TENM2: variants seen among roughly 807,000 people sequenced by gnomAD.
The protein encoded by TENM2 is teneurin-2.
TENM2 carries 52 observed loss-of-function variants against 245.2 expected under a neutral mutation model. The observed-to-expected ratio is 0.21, with a 90% CI of 0.17 to 0.27. The LOEUF (loss-of-function observed/expected upper bound fraction) is 0.27, where lower values mean the gene tolerates loss of function less well. TENM2 is among the 10% of genes least tolerant of loss of function. The pLI is 1.00. For synonymous variants in TENM2, 1,363 were observed against 1,438.9 expected (o/e 0.95, Z 1.19); for missense variants, 3,046 against 3,666.8 (o/e 0.83, Z 4.37).
the TENM2 span, among the ~76,000 whole-genome samples, chr5:167,081,987 C>A: frequency 3.9e-5 from 6 of 152,174 alleles, no homozygotes; most frequent in South Asian, 1.0e-3. Flanking sequence ...GTCTGTTTGA[C>A]TTAGAGCCTG....
chr5:167,383,579 A>G (rs1296759017), intron 2 of TENM2, among the ~76,000 whole-genome samples: 1 of 151,862 alleles, frequency 6.6e-6, no homozygotes, highest in African/African-American at 2.4e-5. Flanking sequence ...CTTTCCCCCA[A>G]CATCTTCCCT....
At chr5:167,922,972 T>C (rs1441877392) in intron 3 of TENM2, among the ~76,000 whole-genome samples, 1 of 152,240 alleles carries the variant, frequency 6.6e-6, no homozygotes, top group Non-Finnish European at 1.5e-5. Context: ...AAACCTGTTT[T>C]TGGGTTTAAG....
At chr5:167,947,182 T>G (rs899376440) in intron 3 of TENM2, among the ~76,000 whole-genome samples, 8 of 152,260 alleles carry the variant, frequency 5.3e-5, no homozygotes, top group African/African-American at 1.7e-4. Flanking sequence ...CTTGGAAAAG[T>G]TGGGCCCACA....
At chr5:168,014,264 A>G (rs116052470) in intron 5 of TENM2, among the ~76,000 whole-genome samples, 4,317 of 152,276 alleles carry the variant, frequency 0.028, 208 homozygotes, top group African/African-American at 0.096. Context: ...GATTTTTCTC[A>G]TTTAATTCTT....
chr5:168,107,026 C>T (rs1187274761), intron 9 of TENM2, among the ~76,000 whole-genome samples: 2 of 152,074 alleles, frequency 1.3e-5, no homozygotes, highest in Non-Finnish European at 2.9e-5. Context: ...TGCCACTGCA[C>T]TCCAGCCTGT....
intron 27 of TENM2, among the ~76,000 whole-genome samples, chr5:168,252,936 C>T (rs1281838721): frequency 6.6e-6 from 1 of 151,670 alleles, no homozygotes; most frequent in African/African-American, 2.4e-5. Context: ...ATATCTCAAC[C>T]CTTTAGAGCC....
At chr5:167,670,636 CT>C (rs1188517146) in intron 2 of TENM2, among the ~76,000 whole-genome samples, 1 of 152,134 alleles carries the variant, frequency 6.6e-6, no homozygotes, top group Non-Finnish European at 1.5e-5. Flanking sequence ...TACTGAGAGT[CT>C]TCATTACCTC....
the TENM2 span, among the ~76,000 whole-genome samples, chr5:167,045,121 A>C: frequency 6.6e-6 from 1 of 152,328 alleles, no homozygotes; most frequent in Non-Finnish European, 1.5e-5. Context: ...GCATTTGACA[A>C]GGAAGAAGAA....
chr5:167,004,706 A>G, the TENM2 span, among the ~76,000 whole-genome samples: 1 of 152,180 alleles, frequency 6.6e-6, no homozygotes, highest in Admixed American at 6.6e-5. Flanking sequence ...TTGATATATA[A>G]AAAGATTTTT....
chr5:167,694,252 A>T (rs1757619558), intron 2 of TENM2, among the ~76,000 whole-genome samples: 2 of 152,142 alleles, frequency 1.3e-5, no homozygotes, highest in Non-Finnish European at 2.9e-5. Flanking sequence ...CTGGTTCTCA[A>T]TTATGGCCTT....
intron 2 of TENM2, among the ~76,000 whole-genome samples, chr5:167,398,504 T>C (rs1417712652): frequency 6.6e-6 from 1 of 151,570 alleles, no homozygotes; most frequent in East Asian, 1.9e-4. Context: ...CCATCTTGGC[T>C]CACTGCAACC....
At chr5:167,307,086 G>C (rs1020126516) in intron 1 of TENM2, among the ~76,000 whole-genome samples, 2 of 152,200 alleles carry the variant, frequency 1.3e-5, no homozygotes, top group Non-Finnish European at 2.9e-5. Context: ...ACACTGGCCA[G>C]AGGGAAGAAA....
intron 1 of TENM2, among the ~76,000 whole-genome samples, chr5:167,293,374 T>A (rs1754760021): frequency 1.0e-5 from 1 of 99,852 alleles, no homozygotes; most frequent in African/African-American, 6.0e-5. Context: ...GCTAATTTTT[T>A]TTTTTTTTTT....
At chr5:167,426,107 G>C (rs1162476093) in intron 2 of TENM2, among the ~76,000 whole-genome samples, 1 of 152,064 alleles carries the variant, frequency 6.6e-6, no homozygotes, top group East Asian at 1.9e-4. Flanking sequence ...CCTTGGATCT[G>C]ACACTGACCC....
chr5:168,200,252 CAAG>C lies in TENM2; in HGVS notation c.3430+126_3430+128del, dbSNP rs1761817752. 3 of 866,792 alleles carry C rather than the reference CAAG, an allele frequency of 3.5e-6. No individual in the cohort carries two copies. In the East Asian group the frequency reaches 8.0e-5, roughly 23 times the overall value. 53.7% of individuals were successfully genotyped at this position (866,792 alleles called of 1,614,324 possible). A position where few individuals can be genotyped will look rare whatever the true frequency, so the allele number is the denominator to read the frequency against. On this transcript the variant is annotated intron_variant, in intron 17 of 28. Coordinates refer to ENST00000518659, the Ensembl canonical transcript of TENM2. ...TTTCAGTAGATAAGGACACGATGGC[CAAG>C]AAGACAGACAAGATTCCTCTTCCAC...
intron 2 of TENM2, among the ~76,000 whole-genome samples, chr5:167,445,363 A>AGAGAGAGAGAGAGAGAGAGT (rs1561961822): frequency 7.2e-6 from 1 of 139,690 alleles, no homozygotes; most frequent in Non-Finnish European, 1.6e-5. Flanking sequence ...AGAGAGAGAG[A>AGAGAGAGAGAGAGAGAGAGT]GAGAGAGTGT....
intron 2 of TENM2, among the ~76,000 whole-genome samples, chr5:167,416,933 G>A (rs1763198752): frequency 6.6e-6 from 1 of 152,114 alleles, no homozygotes; most frequent in Non-Finnish European, 1.5e-5. Flanking sequence ...ATCAAATGAT[G>A]TTTGATTACA....
intron 2 of TENM2, among the ~76,000 whole-genome samples, chr5:167,510,199 G>C (rs977361259): frequency 2.0e-5 from 3 of 152,160 alleles, no homozygotes; most frequent in Admixed American, 2.0e-4. Context: ...GAATGTGGCT[G>C]TATTCATGCA....
At chr5:167,603,799 G>A (rs1458426870) in intron 2 of TENM2, among the ~76,000 whole-genome samples, 2 of 152,198 alleles carry the variant, frequency 1.3e-5, no homozygotes, top group East Asian at 1.9e-4. Flanking sequence ...CCTGAATCTC[G>A]AAACCCTGCT....
Sources: gnomAD v4.1 joint callset for allele counts (sites outside exome capture counted in the v4.1 genomes callset) on GRCh38, gnomAD v4.1.1 for gene constraint, MANE v1.5 for transcripts, NCBI Gene and HGNC (gene_info 2026-07-23, HGNC 2026-07-21) for gene names.